SOS1: variants seen among roughly 807,000 people sequenced by gnomAD.
The protein encoded by SOS1 is SOS Ras/Rac guanine nucleotide exchange factor 1, also known as son of sevenless homolog 1.
Under a neutral mutation model 157.6 loss-of-function variants are expected in SOS1, and 25 were observed. That is an observed-to-expected ratio of 0.16 (90% CI 0.12 to 0.22). SOS1 has a LOEUF of 0.22. SOS1 is among the 10% of genes least tolerant of loss of function. The pLI, the probability that SOS1 is intolerant of heterozygous loss-of-function variation, is 1.00. For synonymous variants in SOS1, 528 were observed against 534.0 expected, an observed-to-expected ratio of 0.99 and a Z score of 0.16; for missense variants, 1,237 against 1,599.1, an observed-to-expected ratio of 0.77 and a Z score of 3.86.
At chr2:39,102,482 G>T (rs1478857509) in intron 1 of SOS1, among the ~76,000 whole-genome samples, 1 of 113,218 alleles carries the variant, frequency 8.8e-6, no homozygotes, top group East Asian at 3.0e-4. Flanking sequence ...AGAGAGCCGT[G>T]ATCATACTAC....
At chr2:39,072,445 A>C (rs1330676184) in intron 1 of SOS1, among the ~76,000 whole-genome samples, 1 of 152,226 alleles carries the variant, frequency 6.6e-6, no homozygotes, top group East Asian at 1.9e-4. Context: ...GGTTGATTTC[A>C]GGAGCATAAG....
At chr2:39,081,935 C>A (rs952035883) in intron 1 of SOS1, among the ~76,000 whole-genome samples, 10 of 152,114 alleles carry the variant, frequency 6.6e-5, no homozygotes, top group African/African-American at 2.4e-4. Flanking sequence ...TTTGTGGGTA[C>A]ATAGGTGCAT....
At chr2:39,082,499 C>T (rs1012605915) in intron 1 of SOS1, 1 of 151,976 alleles carries the variant, frequency 6.6e-6, no homozygotes, top group Non-Finnish European at 1.5e-5. Context: ...CAGAGAAAAA[C>T]CCCAGAGGTA....
intron 1 of SOS1, among the ~76,000 whole-genome samples, chr2:39,090,092 A>G (rs1672535287): frequency 6.6e-6 from 1 of 151,040 alleles, no homozygotes; most frequent in Non-Finnish European, 1.5e-5. Flanking sequence ...GTAAGCTGAG[A>G]TAACACCACT....
intron 10 of SOS1, among the ~76,000 whole-genome samples, chr2:39,020,729 G>A (rs1472662578): frequency 6.6e-6 from 1 of 151,716 alleles, no homozygotes; most frequent in East Asian, 1.9e-4. Context: ...AATAACTTCA[G>A]TAACAGACCT....
At chr2:39,119,846 A>G (rs957683614) in intron 1 of SOS1, among the ~76,000 whole-genome samples, 2 of 152,172 alleles carry the variant, frequency 1.3e-5, no homozygotes, top group African/African-American at 4.8e-5. Context: ...AGGAGTGAAT[A>G]CTGACGGCGA....
chr2:39,062,435 T>TAAAAAA (rs397974197), intron 2 of SOS1, among the ~76,000 whole-genome samples: 42 of 138,292 alleles, frequency 3.0e-4, no homozygotes, highest in East Asian at 6.2e-4. Context: ...AAAAAAAAAT[T>TAAAAAA]AAAAAAAAAA....
intron 8 of SOS1, among the ~76,000 whole-genome samples, chr2:39,025,590 C>T (rs1399258291): frequency 6.6e-6 from 1 of 151,960 alleles, no homozygotes; most frequent in Non-Finnish European, 1.5e-5. Context: ...AAACTCCTGA[C>T]CTCAAGTGAT....
At chr2:39,037,754 C>G (rs1670407654) in intron 6 of SOS1, among the ~76,000 whole-genome samples, 1 of 152,074 alleles carries the variant, frequency 6.6e-6, no homozygotes, top group Non-Finnish European at 1.5e-5. Context: ...ACTATTGAGC[C>G]AGTGTTCACT....
At chr2:39,015,404 A>T (rs1050330948) in intron 10 of SOS1, among the ~76,000 whole-genome samples, 1 of 152,064 alleles carries the variant, frequency 6.6e-6, no homozygotes, top group East Asian at 1.9e-4. Context: ...GATGCTTACA[A>T]ATACTTATAA....
chr2:39,102,482 G>A (rs1478857509), intron 1 of SOS1, among the ~76,000 whole-genome samples: 2 of 113,218 alleles, frequency 1.8e-5, no homozygotes, highest in East Asian at 6.0e-4. Flanking sequence ...AGAGAGCCGT[G>A]ATCATACTAC....
At chr2:39,108,090 C>A (rs532484368) in intron 1 of SOS1, among the ~76,000 whole-genome samples, 208 of 152,296 alleles carry the variant, frequency 1.4e-3, no homozygotes, top group African/African-American at 4.9e-3. Flanking sequence ...CCCACTTAGA[C>A]ACCTCAGTCA....
intron 1 of SOS1, among the ~76,000 whole-genome samples, chr2:39,117,707 C>A (rs1485783175): frequency 1.3e-5 from 2 of 152,024 alleles, no homozygotes; most frequent in African/African-American, 4.8e-5. Flanking sequence ...GCCAGTGAAC[C>A]CCATTAAGAA....
At chr2:39,007,361 C>T in intron 15 of SOS1, 168 bp from the exon 16 acceptor site, 1 of 610,606 alleles carries the variant, frequency 1.6e-6, no homozygotes, top group Non-Finnish European at 2.9e-6. Flanking sequence ...GCAGTGCCTC[C>T]AGTCAGGCAT....
rs956269366 is a variant in SOS1, at chr2:39,067,944, C to A, written c.88-191G>T. Among the ~76,000 whole-genome samples the A allele has an allele frequency of 2.0e-5, 3 of 152,088 alleles. No homozygotes were observed. The South Asian group carries it at 6.2e-4, about 32-fold the overall frequency. On this transcript the variant is annotated intron_variant, in intron 1 of 22. Transcript: ENST00000402219. Reference sequence around the variant, plus strand: ...GACCACCCTGGCCAACATGGTGAAACCCTGTCTCCATTAAAAATACAAAAA... The same window carrying A: ...GACCACCCTGGCCAACATGGTGAAAACCTGTCTCCATTAAAAATACAAAAA...
In SOS1 at chr2:39,105,947, T is replaced by C. The variant is rs371185279; in HGVS notation, c.87+14389A>G. Among the ~76,000 whole-genome samples, 47 of 152,226 alleles carry C rather than the reference T, an allele frequency of 3.1e-4. No homozygotes were observed. In the East Asian group the frequency reaches 3.3e-3, roughly 11 times the overall value. ...ACAGTAAAAATCAGTCCAGGCGTGA[T>C]AGCTCACACCTGTAATCCTAGCAAT... On this transcript the variant is annotated intron_variant, in intron 1 of 22. Transcript: ENST00000402219.
rs549416860 is a variant in SOS1, at chr2:39,047,152, T to C, written c.864+3992A>G. Among the ~76,000 whole-genome samples the C allele has an allele frequency of 4.9e-4, 75 of 152,348 alleles. 1 individual carries two copies. The highest frequency in any genetic ancestry group is 1.7e-3 in the African/African-American group (69 of 41,580). ...TACTCTAATAATCTGTTTCCAAAGA[T>C]ACATGTTTCTGAACTTCCCATATAT... On this transcript the variant is annotated intron_variant, in intron 6 of 22. Transcript: ENST00000402219.
At chr2:39,117,046 G>A (rs1218899103) in intron 1 of SOS1, among the ~76,000 whole-genome samples, 1 of 78,676 alleles carries the variant, frequency 1.3e-5, no homozygotes, top group Admixed American at 1.4e-4. Flanking sequence ...TTTTTTTTTT[G>A]AGACAGAGTT....
intron 1 of SOS1, among the ~76,000 whole-genome samples, chr2:39,090,545 A>T (rs1672554691): frequency 6.6e-6 from 1 of 151,842 alleles, no homozygotes; most frequent in Admixed American, 6.6e-5. Flanking sequence ...AAAATACAAA[A>T]ATTAGCCAGG....
Sources: allele counts gnomAD v4.1 joint callset (sites outside exome capture counted in the v4.1 genomes callset), GRCh38; gene constraint gnomAD v4.1.1; transcripts MANE v1.5; gene names NCBI Gene and HGNC (gene_info 2026-07-23, HGNC 2026-07-21).